Variants in GABRA3 observed in about 807,000 individuals in gnomAD.
GABRA3 encodes the protein gamma-aminobutyric acid type A receptor subunit alpha3, also known as gamma-aminobutyric acid receptor subunit alpha-3.
GABRA3 carries 10 observed loss-of-function variants against 30.1 expected under a neutral mutation model. That is an observed-to-expected ratio of 0.33 (90% CI 0.20 to 0.56). GABRA3 has a LOEUF of 0.56. GABRA3 is among the 20% of genes least tolerant of loss of function. The pLI, the probability that GABRA3 is intolerant of heterozygous loss-of-function variation, is 0.89. For synonymous variants in GABRA3, 151 were observed against 146.8 expected (o/e 1.03, Z -0.21); for missense variants, 233 against 392.0 (o/e 0.59, Z 3.42).
intron 3 of GABRA3, among the ~76,000 whole-genome samples, chrX:152,300,149 CAT>C (rs1383468268): frequency 4.4e-5 from 5 of 112,611 alleles, no homozygotes; most frequent in African/African-American, 1.6e-4. Context: ...TAAACCACTA[CAT>C]AAATTTCAGA....
intron 3 of GABRA3, among the ~76,000 whole-genome samples, chrX:152,308,903 C>G (rs1215659987): frequency 2.7e-5 from 3 of 112,128 alleles, no homozygotes; most frequent in African/African-American, 9.7e-5. Flanking sequence ...GTAAAACATA[C>G]AAGAGCTGAA....
chrX:152,300,684 T>C (rs924070966), intron 3 of GABRA3, among the ~76,000 whole-genome samples: 1 of 112,183 alleles, frequency 8.9e-6, no homozygotes, highest in Non-Finnish European at 1.9e-5. Context: ...GCAGAGAAAT[T>C]AGAAAATATT....
intron 4 of GABRA3, among the ~76,000 whole-genome samples, chrX:152,259,092 G>A (rs1938686218): frequency 1.8e-5 from 2 of 111,867 alleles, no homozygotes; most frequent in Admixed American, 1.9e-4. Context: ...GCAATTGTGA[G>A]ACATTGAACT....
chrX:152,283,968 T>A (rs1211634617), intron 4 of GABRA3, among the ~76,000 whole-genome samples: 1 of 111,568 alleles, frequency 9.0e-6, no homozygotes, highest in Non-Finnish European at 1.9e-5. Context: ...ATTATTCAAT[T>A]GAATATTTGA....
Position 152,168,488 on chromosome X carries a change from G to C in GABRA3, c.1219C>G (p.Leu407Val). ...GTGGAAAATTCAGTGTCCTTGGCCAGGTTGATGGGATAGGTGGTCCCCACG... is the reference window on the plus strand; with the variant it reads ...GTGGAAAATTCAGTGTCCTTGGCCACGTTGATGGGATAGGTGGTCCCCACG... ...NIVGTTYPIN[L>V]AKDTEFSTIS... Residue 407 changes from leucine to valine, a missense_variant, in exon 10 of 10, where the codon CTG becomes GTG. Transcript: ENST00000370314. 1.7e-6 allele frequency: 2 copies of C among 1,211,458 alleles called. No individual in the cohort carries two copies. Among genetic ancestry groups the C allele is most frequent in the Non-Finnish European group, 2.2e-6 (2 of 894,946 alleles).
At chrX:152,292,525 AT>A (rs763969650) in intron 3 of GABRA3, among the ~76,000 whole-genome samples, 1 of 110,232 alleles carries the variant, frequency 9.1e-6, no homozygotes, top group Admixed American at 9.7e-5. Context: ...TTTTTAAAGG[AT>A]TTTTTTTGTG....
At chrX:152,313,115 A>G (rs1352751391) in intron 3 of GABRA3, among the ~76,000 whole-genome samples, 2 of 112,029 alleles carry the variant, frequency 1.8e-5, no homozygotes, top group Non-Finnish European at 3.8e-5. Flanking sequence ...GTATAAAAAT[A>G]TCCATACATT....
At chrX:152,295,757 G>A (rs193211120) in intron 3 of GABRA3, among the ~76,000 whole-genome samples, 3 of 112,292 alleles carry the variant, frequency 2.7e-5, no homozygotes, top group Admixed American at 1.9e-4. Flanking sequence ...TTTGAAATGC[G>A]GAAATCACCC....
intron 5 of GABRA3, among the ~76,000 whole-genome samples, chrX:152,250,904 G>A (rs1378732569): frequency 1.8e-5 from 2 of 111,109 alleles, no homozygotes; most frequent in African/African-American, 6.5e-5. Flanking sequence ...AAAATTCTAA[G>A]TGTTCTGCAG....
At chrX:152,199,364 C>G (rs1458977852) in intron 7 of GABRA3, among the ~76,000 whole-genome samples, 1 of 86,224 alleles carries the variant, frequency 1.2e-5, no homozygotes, top group Non-Finnish European at 2.3e-5. Flanking sequence ...GACTCTGTCT[C>G]AAAAAAAAAA....
At chrX:152,271,224 A>G (rs1439673695) in intron 4 of GABRA3, among the ~76,000 whole-genome samples, 2 of 111,313 alleles carry the variant, frequency 1.8e-5, no homozygotes, top group Admixed American at 1.9e-4. Flanking sequence ...AGGCCTCCCA[A>G]AGTGCTGGGA....
intron 3 of GABRA3, among the ~76,000 whole-genome samples, chrX:152,288,989 C>T (rs1328230397): frequency 9.1e-6 from 1 of 109,640 alleles, no homozygotes; most frequent in Non-Finnish European, 1.9e-5. Context: ...GTGGTCTGCA[C>T]ATATATGCAT....
chrX:152,445,514 A>C (rs757615183), intron 1 of GABRA3, among the ~76,000 whole-genome samples: 1 of 111,414 alleles, frequency 9.0e-6, no homozygotes, highest in Non-Finnish European at 1.9e-5. Context: ...GGAATAAAAA[A>C]TGGAAGGTGC....
At chrX:152,434,421 T>C (rs897588224) in intron 1 of GABRA3, among the ~76,000 whole-genome samples, 1 of 111,047 alleles carries the variant, frequency 9.0e-6, no homozygotes, top group Non-Finnish European at 1.9e-5. Flanking sequence ...CTTGTAATCA[T>C]GGAAGTTAAT....
At chrX:152,402,098 G>A (rs1488068408) in intron 1 of GABRA3, among the ~76,000 whole-genome samples, 1 of 112,055 alleles carries the variant, frequency 8.9e-6, no homozygotes, top group East Asian at 2.8e-4. Flanking sequence ...GCAACCACAG[G>A]TAGAAGAAGC....
At chrX:152,234,003 A>C (rs1314423886) in intron 5 of GABRA3, among the ~76,000 whole-genome samples, 1 of 95,374 alleles carries the variant, frequency 1.0e-5, no homozygotes, top group African/African-American at 3.9e-5. Context: ...CAATGGGAAC[A>C]CATGGACACA....
chrX:152,424,928 C>CTTTTTTTTTT (rs747255822), intron 1 of GABRA3, among the ~76,000 whole-genome samples: 36 of 42,306 alleles, frequency 8.5e-4, no homozygotes, highest in African/African-American at 2.7e-3. Context: ...TTTTTCTTTT[C>CTTTTTTTTTT]TTTTTTTTTT....
chrX:152,283,443 T>C (rs1939232858), intron 4 of GABRA3, among the ~76,000 whole-genome samples: 1 of 111,466 alleles, frequency 9.0e-6, no homozygotes, highest in African/African-American at 3.3e-5. Flanking sequence ...TTCCAAACAT[T>C]CACATACTGA....
chrX:152,226,741 T>C (rs2124383439), intron 5 of GABRA3, among the ~76,000 whole-genome samples: 1 of 111,916 alleles, frequency 8.9e-6, no homozygotes, highest in East Asian at 2.8e-4. Context: ...CAGACACTTC[T>C]CAAAAGAAGA....
Sources: gnomAD v4.1 joint callset for allele counts (sites outside exome capture counted in the v4.1 genomes callset) on GRCh38, gnomAD v4.1.1 for gene constraint, MANE v1.5 for transcripts, NCBI Gene and HGNC (gene_info 2026-07-23, HGNC 2026-07-21) for gene names.